The following LIFR variants were observed in gnomAD, a reference collection of about 807,000 sequenced individuals.
The protein encoded by LIFR is leukemia inhibitory factor receptor.
Under a neutral mutation model 122.2 loss-of-function variants are expected in LIFR, and 84 were observed. The ratio of observed to expected loss-of-function variants is 0.69; its 90% CI spans 0.58 to 0.82. LIFR has a LOEUF of 0.82. LIFR is among the 40% of genes least tolerant of loss of function. The pLI is 0.00. For synonymous variants in LIFR, 422 were observed against 434.7 expected, an observed-to-expected ratio of 0.97 and a Z score of 0.36; for missense variants, 1,294 against 1,311.6, an observed-to-expected ratio of 0.99 and a Z score of 0.21.
intron 1 of LIFR, among the ~76,000 whole-genome samples, chr5:38,555,955 A>G (rs973000155): frequency 1.3e-5 from 2 of 152,198 alleles, no homozygotes; most frequent in Admixed American, 1.3e-4. Flanking sequence ...TGCACTACGG[A>G]TACAGAAAGG....
chr5:38,524,721 C>T (rs1252694650), intron 4 of LIFR, among the ~76,000 whole-genome samples: 1 of 152,064 alleles, frequency 6.6e-6, no homozygotes, highest in African/African-American at 2.4e-5. Flanking sequence ...TTAAAAGGAA[C>T]TGATTGAGTG....
At chr5:38,577,524 C>T (rs1391961962) in intron 1 of LIFR, among the ~76,000 whole-genome samples, 2 of 152,176 alleles carry the variant, frequency 1.3e-5, no homozygotes, top group Non-Finnish European at 2.9e-5. Flanking sequence ...TGCACACCCT[C>T]CTCTTCCTGC....
At position 38,528,808 on chromosome 5, in the gene LIFR, TGTTA is replaced by T. The variant is rs1561179853; in HGVS notation, c.171_174del (p.Asn58IlefsTer52). On this transcript the variant is annotated frameshift_variant, in exon 3 of 20. Coordinates refer to ENST00000453190, the MANE Select transcript of LIFR (RefSeq NM_001127671.2). LOFTEE classifies it high-confidence loss of function. Reference sequence around the variant, plus strand: ...CAAGAACAGTTCCACACTTGCAAATTGTTAGTTACACACTTCAAATCATGAGGAG... The same window carrying T: ...CAAGAACAGTTCCACACTTGCAAATTGTTACACACTTCAAATCATGAGGAG... The T allele has an allele frequency of 2.5e-6, 4 of 1,582,814 alleles. No individual in the cohort carries two copies. Among genetic ancestry groups the T allele is most frequent in the Non-Finnish European group, 3.4e-6 (4 of 1,162,310 alleles).
At chr5:38,492,772 G>A (rs1196333339) in intron 14 of LIFR, among the ~76,000 whole-genome samples, 4 of 152,146 alleles carry the variant, frequency 2.6e-5, no homozygotes, top group African/African-American at 9.7e-5. Context: ...AACACGCGAG[G>A]GAGGCAGGAG....
rs866027505 is a variant in LIFR at position 38,499,552 on chromosome 5, C to G, written c.1632G>C (p.Glu544Asp). The change falls in exon 12 of 20, where the codon GAG becomes GAC. Residue 544 changes from glutamate to aspartate, a missense_variant. By Grantham distance (45) the Glu-to-Asp change is conservative. Transcript: ENST00000453190. ...TTAAATTTTTTCCATCAGAACTCCA[C>G]TCTCTCCAAGTATCAGGCCCCTTTG... ...SPSKGPDTWR[E>D]WSSDGKNLII... 2 of 1,608,998 alleles carry G rather than the reference C, an allele frequency of 1.2e-6. No homozygotes were observed. The highest frequency in any genetic ancestry group is 2.7e-5 in the African/African-American group (2 of 74,920).
intron 1 of LIFR, among the ~76,000 whole-genome samples, chr5:38,592,001 A>G (rs1749935526): frequency 6.6e-6 from 1 of 152,104 alleles, no homozygotes; most frequent in Admixed American, 6.6e-5. Context: ...CATGCTTACC[A>G]CTAACTCCAG....
Position 38,512,038 on chromosome 5 carries a change from C to T in LIFR, c.562-74G>A, listed in dbSNP as rs1745829868. ...TTTGCTTTCCTTTAGAATTAAAAGA[C>T]ACAATAGATTCCATACAATCATCAG... On this transcript the variant is annotated intron_variant, in intron 5 of 19. Coordinates refer to ENST00000453190, the MANE Select transcript of LIFR (RefSeq NM_001127671.2). 8 of 1,415,612 alleles carry T rather than the reference C, an allele frequency of 5.7e-6. No homozygotes were observed. In the South Asian group the frequency reaches 9.6e-5, roughly 17 times the overall value. 87.7% of individuals were successfully genotyped at this position (1,415,612 alleles called of 1,614,324 possible).
chr5:38,535,785 A>C (rs1469783624), intron 1 of LIFR, among the ~76,000 whole-genome samples: 1 of 152,202 alleles, frequency 6.6e-6, no homozygotes, highest in Non-Finnish European at 1.5e-5. Context: ...ACAAATTATT[A>C]TATGCCCACA....
intron 2 of LIFR, among the ~76,000 whole-genome samples, chr5:38,602,261 T>G (rs1400760168): frequency 2.0e-5 from 3 of 152,230 alleles, no homozygotes; most frequent in Non-Finnish European, 2.9e-5. Flanking sequence ...CTAGACACAA[T>G]TCTTGACATA....
intron 8 of LIFR, 74 bp from the exon 9 acceptor site, chr5:38,506,148 ATACT>A (rs1302824979): frequency 1.4e-5 from 13 of 953,184 alleles, no homozygotes; most frequent in Non-Finnish European, 2.0e-5. Flanking sequence ...CAAATTCGTA[ATACT>A]TAATTTGTAT....
intron 1 of LIFR, among the ~76,000 whole-genome samples, chr5:38,593,995 T>C (rs527925236): frequency 8.5e-5 from 13 of 152,142 alleles, no homozygotes; most frequent in Non-Finnish European, 1.5e-4. Context: ...TAGAAACGTT[T>C]ACCAGGAAAA....
chr5:38,587,565 G>A (rs1749791085), intron 1 of LIFR, among the ~76,000 whole-genome samples: 1 of 152,142 alleles, frequency 6.6e-6, no homozygotes, highest in Admixed American at 6.6e-5. Flanking sequence ...AGATGCTGTG[G>A]GCCACATTTG....
intron 1 of LIFR, among the ~76,000 whole-genome samples, chr5:38,577,961 A>G (rs1749441616): frequency 6.6e-6 from 1 of 152,232 alleles, no homozygotes; most frequent in African/African-American, 2.4e-5. Context: ...AGGACCCTCC[A>G]TGGTGCCTTC....
In LIFR at chr5:38,480,473, T is replaced by G; in HGVS notation, c.*1122A>C. ...TGGGTAACTGTTCCTGTAAGAAGCA[T>G]TCTCTCTTTAGTTTTATATTTAAAA... is the stretch of plus-strand genomic sequence containing the variant. On this transcript the variant is annotated 3_prime_UTR_variant, in exon 20 of 20. Coordinates refer to ENST00000453190, the MANE Select transcript of LIFR (RefSeq NM_001127671.2). 1 of 216,224 alleles carries G rather than the reference T, an allele frequency of 4.6e-6. No homozygotes were observed. The allele number at this position is 216,224 out of a possible 1,614,324, so 13.4% of individuals were successfully genotyped here.
At chr5:38,527,642 G>A (rs943191252) in intron 3 of LIFR, among the ~76,000 whole-genome samples, 2 of 152,028 alleles carry the variant, frequency 1.3e-5, no homozygotes, top group African/African-American at 4.8e-5. Flanking sequence ...GCATCACAGC[G>A]CTCCTCATGC....
intron 2 of LIFR, among the ~76,000 whole-genome samples, chr5:38,604,801 C>T (rs557329223): frequency 6.6e-6 from 1 of 152,150 alleles, no homozygotes; most frequent in South Asian, 2.1e-4. Context: ...GTAAGGTGGT[C>T]GGTGTACAGC....
Position 38,501,609 on chromosome 5 carries a change from G to A in LIFR, c.1600+1028C>T, listed in dbSNP as rs185619286. Among the ~76,000 whole-genome samples, 59 of 152,066 alleles carry A rather than the reference G, an allele frequency of 3.9e-4. 1 individual carries two copies. The highest frequency in any genetic ancestry group is 1.2e-3 in the African/African-American group (51 of 41,508). On this transcript the variant is annotated intron_variant, in intron 11 of 19. Coordinates refer to ENST00000453190, the MANE Select transcript of LIFR (RefSeq NM_001127671.2). ...TCTACTAAAAATACAAAAATTAGCC[G>A]GGCGTGGTGGTGGGGCCCCTACTTG...
At chr5:38,574,873 T>C (rs1047064873) in intron 1 of LIFR, among the ~76,000 whole-genome samples, 5 of 152,192 alleles carry the variant, frequency 3.3e-5, no homozygotes, top group Non-Finnish European at 7.3e-5. Context: ...TTTACCTCTA[T>C]AGCTAGAATA....
intron 1 of LIFR, among the ~76,000 whole-genome samples, chr5:38,571,054 C>T (rs1749192411): frequency 6.6e-6 from 1 of 152,180 alleles, no homozygotes; most frequent in African/African-American, 2.4e-5. Flanking sequence ...GTGACTGGCT[C>T]ACATCTGTAG....
Sources: allele counts gnomAD v4.1 joint callset (sites outside exome capture counted in the v4.1 genomes callset), GRCh38; gene constraint gnomAD v4.1.1; transcripts MANE v1.5; gene names NCBI Gene and HGNC (gene_info 2026-07-23, HGNC 2026-07-21).